Variants in DCHS2 observed in about 807,000 individuals in gnomAD.
DCHS2 encodes dachsous cadherin-related 2.
Under a neutral mutation model 182.4 loss-of-function variants are expected in DCHS2, and 142 were observed. The observed-to-expected ratio is 0.78, with a 90% CI of 0.68 to 0.89. The LOEUF is 0.89. Ranked by LOEUF, DCHS2 falls within the 40% of genes least tolerant of loss-of-function variation. The pLI is 0.00. For missense variants in DCHS2, 4,319 were observed against 4,198.6 expected, an observed-to-expected ratio of 1.03 and a Z score of -0.79; for synonymous variants, 1,740 against 1,663.3, an observed-to-expected ratio of 1.05 and a Z score of -1.12.
intron 1 of DCHS2, among the ~76,000 whole-genome samples, chr4:154,484,750 A>G (rs1359159491): frequency 6.6e-6 from 1 of 152,222 alleles, no homozygotes; most frequent in Non-Finnish European, 1.5e-5. Context: ...TTAAAAGGTG[A>G]GGGGACCATT....
chr4:154,329,719 T>C lies in DCHS2; in HGVS notation c.3731-9A>G, dbSNP rs774453135. On this transcript the variant is annotated splice_polypyrimidine_tract_variant and intron_variant, in intron 5 of 19. Coordinates refer to ENST00000357232, the MANE Select transcript of DCHS2 (RefSeq NM_001358235.2). ...CCAATTGATTAACTCTCCTGCAGAG[T>C]ACAGAGCAGAACAAGACACAGGCAC... The C allele has an allele frequency of 6.2e-6, 10 of 1,609,320 alleles. No individual in the cohort carries two copies. Among genetic ancestry groups the C allele is most frequent in the Non-Finnish European group, 8.5e-6 (10 of 1,177,864 alleles).
At chr4:154,372,253 C>T (rs899780581) in intron 2 of DCHS2, among the ~76,000 whole-genome samples, 1 of 152,032 alleles carries the variant, frequency 6.6e-6, no homozygotes, top group East Asian at 1.9e-4. Context: ...ATGAAGGAAA[C>T]GAAAGACAGG....
At chr4:154,442,543 ACAC>A (rs1334836545) in intron 1 of DCHS2, among the ~76,000 whole-genome samples, 32 of 47,456 alleles carry the variant, frequency 6.7e-4, no homozygotes, top group Non-Finnish European at 8.1e-4. Flanking sequence ...CCCCCCCCCC[ACAC>A]ACACACACAC....
intron 1 of DCHS2, among the ~76,000 whole-genome samples, chr4:154,472,492 AC>A (rs2111020645): frequency 6.6e-6 from 1 of 152,296 alleles, no homozygotes; most frequent in African/African-American, 2.4e-5. Context: ...AAAGAACACT[AC>A]CTTTTTGTCA....
chr4:154,242,526 A>T (rs934373932), intron 17 of DCHS2, 116 bp downstream of exon 17: 3 of 1,366,206 alleles, frequency 2.2e-6, no homozygotes, highest in Non-Finnish European at 2.9e-6. Context: ...AAAATGATCT[A>T]GTTTGCTTGG....
At chr4:154,415,040 C>T (rs1732779794) in intron 1 of DCHS2, among the ~76,000 whole-genome samples, 1 of 152,176 alleles carries the variant, frequency 6.6e-6, no homozygotes, top group Non-Finnish European at 1.5e-5. Flanking sequence ...AACATACTGT[C>T]CTCTTTAGCA....
Position 154,490,622 on chromosome 4 carries a change from G to A in DCHS2, c.734C>T (p.Pro245Leu), listed in dbSNP as rs1456969260. 1.3e-6 allele frequency: 2 copies of A among 1,550,126 alleles called. No individual in the cohort carries two copies. The highest frequency in any genetic ancestry group is 1.2e-5 in the South Asian group (1 of 84,038). The change falls in exon 1 of 20, where the codon CCT (proline) becomes CTT (leucine). Residue 245 changes from proline to leucine, a missense_variant. Pro to Leu is a moderately conservative substitution (Grantham distance 98). Transcript: ENST00000357232. Reference sequence around the variant, plus strand: ...GCGCCGCAGCAGCACCAGATCTAGAGGCTCCAGGGGTGACGAGGAGCCTGG... The same window carrying A: ...GCGCCGCAGCAGCACCAGATCTAGAAGCTCCAGGGGTGACGAGGAGCCTGG... ...LLPGSSSPLE[P>L]LDLVLLRRLD...
chr4:154,358,459 T>G (rs1381387030), intron 3 of DCHS2, among the ~76,000 whole-genome samples: 1 of 152,182 alleles, frequency 6.6e-6, no homozygotes, highest in Non-Finnish European at 1.5e-5. Context: ...CATGAGACAG[T>G]GACTCTGTGG....
At chr4:154,382,503 T>C in intron 1 of DCHS2, among the ~76,000 whole-genome samples, 1 of 151,988 alleles carries the variant, frequency 6.6e-6, no homozygotes, top group Non-Finnish European at 1.5e-5. Flanking sequence ...TGGAATCGAA[T>C]TAAACTAAAG....
chr4:154,375,806 T>C (rs895871162), intron 2 of DCHS2, among the ~76,000 whole-genome samples: 2 of 152,112 alleles, frequency 1.3e-5, no homozygotes, highest in East Asian at 3.8e-4. Flanking sequence ...TATAAGAATG[T>C]TAAAAGAAGC....
intron 1 of DCHS2, among the ~76,000 whole-genome samples, chr4:154,390,100 TA>T (rs869039132): frequency 2.3e-4 from 31 of 135,626 alleles, no homozygotes; most frequent in African/African-American, 8.4e-4. Context: ...TTTATTTTTT[TA>T]AATTTTTTTA....
At chr4:154,402,157 T>C (rs1399043801) in intron 1 of DCHS2, among the ~76,000 whole-genome samples, 1 of 152,236 alleles carries the variant, frequency 6.6e-6, no homozygotes, top group Non-Finnish European at 1.5e-5. Flanking sequence ...ACTTTCTTTT[T>C]ACCACTAAAT....
intron 13 of DCHS2, among the ~76,000 whole-genome samples, chr4:154,278,252 C>T (rs1470901904): frequency 1.3e-5 from 2 of 151,936 alleles, no homozygotes; most frequent in Admixed American, 6.6e-5. Context: ...TAACAGAAGA[C>T]TTGATCAAAC....
In DCHS2 at chr4:154,322,453, T is replaced by C. The variant is rs1736098911; in HGVS notation, c.4054A>G (p.Asn1352Asp). 2.5e-6 allele frequency: 4 copies of C among 1,613,318 alleles called. No individual in the cohort carries two copies. Among genetic ancestry groups the C allele is most frequent in the Non-Finnish European group, 3.4e-6 (4 of 1,179,656 alleles). The change falls in exon 8 of 20, where the codon AAT becomes GAT. Residue 1352 changes from asparagine (N) to aspartate (D), a missense_variant. Transcript: ENST00000357232. Reference sequence around the variant, plus strand: ...ATTGTGGTTGTTCTTATTTCACCATTGTTGGCGTCAATCTTAAAGTGATCA... The same window carrying C: ...ATTGTGGTTGTTCTTATTTCACCATCGTTGGCGTCAATCTTAAAGTGATCA... Reference protein sequence around the residue: ...SSDHFKIDANNGEIRTTTILS... With the variant: ...SSDHFKIDANDGEIRTTTILS...
chr4:154,489,299 C>T lies in DCHS2; in HGVS notation c.2052+5G>A. 6.6e-7 allele frequency: 1 copy of T among 1,504,618 alleles called. No homozygotes were observed. The highest frequency in any genetic ancestry group is 8.9e-7 in the Non-Finnish European group (1 of 1,118,590). The allele number at this position is 1,504,618 out of a possible 1,614,324, so 93.2% of individuals were successfully genotyped here. On this transcript the variant is annotated splice_donor_5th_base_variant and intron_variant, in intron 1 of 19. Transcript: ENST00000357232. The stretch of plus-strand genomic sequence containing the variant: ...CAGGTTGGCCCACAGGCCTGATGCA[C>T]TCACCTGCAGAAAGCAGTGTCCAAC...
At chr4:154,430,827 A>ACCAT (rs1467231782) in intron 1 of DCHS2, among the ~76,000 whole-genome samples, 2 of 152,138 alleles carry the variant, frequency 1.3e-5, no homozygotes, top group Non-Finnish European at 2.9e-5. Flanking sequence ...TTTACAAAAG[A>ACCAT]CCATCCTACC....
At chr4:154,260,829 C>T (rs1170706819) in intron 14 of DCHS2, among the ~76,000 whole-genome samples, 1 of 152,138 alleles carries the variant, frequency 6.6e-6, no homozygotes, top group Non-Finnish European at 1.5e-5. Flanking sequence ...CAGGGTCTGG[C>T]CTCCAGAAGG....
Position 154,365,870 on chromosome 4 carries a change from G to A in DCHS2, c.2476+340C>T, listed in dbSNP as rs551033657. On this transcript the variant is annotated intron_variant, in intron 3 of 19. Coordinates refer to ENST00000357232, the MANE Select transcript of DCHS2 (RefSeq NM_001358235.2). Reference sequence around the variant, plus strand: ...TCACCATCTTGGCCAGGCTAGTCTTGAACTCCTGACCTCTTGATCCACCCA... The same window carrying A: ...TCACCATCTTGGCCAGGCTAGTCTTAAACTCCTGACCTCTTGATCCACCCA... 6.0e-5 allele frequency among the ~76,000 whole-genome samples: 9 copies of A among 150,492 alleles called. No homozygotes were observed. The South Asian group carries it at 1.9e-3, about 32-fold the overall frequency.
intron 10 of DCHS2, 25 bp downstream of exon 10, chr4:154,315,722 AC>A (rs752870053): frequency 1.3e-5 from 21 of 1,604,344 alleles, no homozygotes; most frequent in Non-Finnish European, 1.6e-5. Context: ...AGCATTAAAT[AC>A]CCAGTTTCTG....
Sources: gnomAD v4.1 joint callset for allele counts (sites outside exome capture counted in the v4.1 genomes callset) on GRCh38, gnomAD v4.1.1 for gene constraint, MANE v1.5 for transcripts, NCBI Gene and HGNC (gene_info 2026-07-23, HGNC 2026-07-21) for gene names.